Variants in LPAR3 observed in about 807,000 individuals in gnomAD.
The protein encoded by LPAR3 is lysophosphatidic acid receptor 3.
LPAR3 carries 7 observed loss-of-function variants against 17.8 expected under a neutral mutation model. The ratio of observed to expected loss-of-function variants is 0.39; its 90% confidence interval spans 0.22 to 0.74. The LOEUF (loss-of-function observed/expected upper bound fraction) is 0.74, where lower values mean the gene tolerates loss of function less well. LPAR3 is among the 30% of genes least tolerant of loss of function. The probability of loss-of-function intolerance (pLI) is 0.40; values close to 1 mark genes in which losing one functional copy is unlikely to be tolerated. For missense variants in LPAR3, 391 were observed against 453.4 expected, an observed-to-expected ratio of 0.86 and a Z score of 1.25; for synonymous variants, 179 against 179.9, an observed-to-expected ratio of 0.99 and a Z score of 0.04.
chr1:84,868,142 C>T (rs1450035734), intron 1 of LPAR3, among the ~76,000 whole-genome samples: 1 of 152,026 alleles, frequency 6.6e-6, no homozygotes, highest in Non-Finnish European at 1.5e-5. Context: ...TGGAGTCTTG[C>T]TCTGTCGCCC....
At position 84,814,140 on chromosome 1, in the gene LPAR3, C is replaced by A; in HGVS notation, c.768G>T (p.Leu256=). ...GAFVVCWTPG[L]VVLLLDGLNC... is the part of the protein sequence containing the mutation. Reference sequence around the variant, plus strand: ...TCAGGCCGTCGAGGAGCAGAACCACCAGGCCCGGGGTCCAGCATACCACAA... The same window carrying A: ...TCAGGCCGTCGAGGAGCAGAACCACAAGGCCCGGGGTCCAGCATACCACAA... Residue 256 remains leucine, a synonymous_variant, in exon 3 of 3, where the codon CTG becomes CTT. Transcript: ENST00000370611. The A allele has an allele frequency of 6.2e-7, 1 of 1,614,098 alleles. No homozygotes were observed. The highest frequency in any genetic ancestry group is 8.5e-7 in the Non-Finnish European group (1 of 1,180,020).
intron 2 of LPAR3, among the ~76,000 whole-genome samples, chr1:84,860,734 A>ATTTTTT (rs35354113): frequency 4.4e-5 from 5 of 113,552 alleles, no homozygotes; most frequent in Non-Finnish European, 7.1e-5. Context: ...TTAGGATTTA[A>ATTTTTT]TTTTTTTTTT....
intron 2 of LPAR3, among the ~76,000 whole-genome samples, chr1:84,859,272 C>T (rs1331516255): frequency 6.6e-6 from 1 of 152,122 alleles, no homozygotes; most frequent in African/African-American, 2.4e-5. Flanking sequence ...CTTGAGCTAT[C>T]GTTTCGTTGC....
chr1:84,853,631 C>T (rs1659763317), intron 2 of LPAR3, among the ~76,000 whole-genome samples: 1 of 152,206 alleles, frequency 6.6e-6, no homozygotes, highest in Non-Finnish European at 1.5e-5. Context: ...CTGCTGCTGA[C>T]AAATGTGCCT....
rs146589603 is a variant in LPAR3 at position 84,830,253 on chromosome 1, G to A, written c.737-16082C>T. Among the ~76,000 whole-genome samples the A allele has an allele frequency of 7.4e-3, 1,129 of 152,226 alleles. 16 individuals are homozygous for A. Among genetic ancestry groups the A allele is most frequent in the African/African-American group, 0.026 (1,082 of 41,530 alleles). On this transcript the variant is annotated intron_variant, in intron 2 of 2. Transcript: ENST00000370611. Reference sequence around the variant, plus strand: ...AAGTATTGAGTATCTGAACTCCTTGGTAATTATACTTCCTCTGTCCAAATA... The same window carrying A: ...AAGTATTGAGTATCTGAACTCCTTGATAATTATACTTCCTCTGTCCAAATA...
chr1:84,842,412 AC>A (rs2102755096), intron 2 of LPAR3, among the ~76,000 whole-genome samples: 1 of 152,342 alleles, frequency 6.6e-6, no homozygotes, highest in African/African-American at 2.4e-5. Context: ...TTTGAAACAA[AC>A]CTATAACGTA....
intron 1 of LPAR3, among the ~76,000 whole-genome samples, chr1:84,870,426 T>TCCC (rs1414827776): frequency 1.3e-5 from 2 of 152,246 alleles, no homozygotes; most frequent in Non-Finnish European, 2.9e-5. Context: ...TGAATGAATC[T>TCCC]CTGTCTTACA....
chr1:84,856,096 C>T (rs56332322), intron 2 of LPAR3, among the ~76,000 whole-genome samples: 1 of 152,138 alleles, frequency 6.6e-6, no homozygotes, highest in African/African-American at 2.4e-5. Context: ...CATTTTTGCA[C>T]CCACCGATTG....
intron 2 of LPAR3, among the ~76,000 whole-genome samples, chr1:84,854,415 A>G (rs956121925): frequency 6.6e-6 from 1 of 152,192 alleles, no homozygotes; most frequent in Non-Finnish European, 1.5e-5. Context: ...TTGTGCCTTC[A>G]GTTATCTTTT....
chr1:84,884,740 G>T lies in LPAR3; in HGVS notation c.-19+8276C>A, dbSNP rs150342294. Among the ~76,000 whole-genome samples, 777 of 152,218 alleles carry T rather than the reference G, an allele frequency of 5.1e-3. 1 individual carries two copies. Among genetic ancestry groups the T allele is most frequent in the South Asian group, 0.02 (97 of 4,814 alleles). On this transcript the variant is annotated intron_variant, in intron 1 of 2. Coordinates refer to ENST00000370611, the MANE Select transcript of LPAR3 (RefSeq NM_012152.3). ...TCATTGTCTGTCTGTACGAAACTGG[G>T]GCAAAAATGAACTCAGAAAGACAAG...
intron 2 of LPAR3, among the ~76,000 whole-genome samples, chr1:84,845,620 A>G (rs1484183832): frequency 3.9e-5 from 6 of 152,232 alleles, no homozygotes; most frequent in African/African-American, 1.4e-4. Context: ...GTGTTGGTCC[A>G]TCATTACCAA....
At chr1:84,858,477 C>T (rs995687709) in intron 2 of LPAR3, among the ~76,000 whole-genome samples, 31 of 85,090 alleles carry the variant, frequency 3.6e-4, no homozygotes, top group Non-Finnish European at 5.4e-4. Context: ...CAGGGCGAGA[C>T]TGTCTCAAAA....
chr1:84,858,391 C>T (rs1570888389), intron 2 of LPAR3, among the ~76,000 whole-genome samples: 1 of 144,298 alleles, frequency 6.9e-6, no homozygotes, highest in South Asian at 2.2e-4. Context: ...GGCTGAGGCA[C>T]AAGAATCACT....
chr1:84,837,026 T>TG (rs11458079), intron 2 of LPAR3, among the ~76,000 whole-genome samples: 2 of 7,082 alleles, frequency 2.8e-4, no homozygotes, highest in African/African-American at 2.3e-3. Context: ...ACTTTATCAA[T>TG]TTTTTTTTTT....
intron 2 of LPAR3, among the ~76,000 whole-genome samples, chr1:84,829,519 A>G (rs12407505): frequency 0.039 from 5,878 of 152,120 alleles, 303 homozygotes; most frequent in East Asian, 0.18. Flanking sequence ...TCTGCTAGGA[A>G]GGAAAAGATC....
intron 1 of LPAR3, among the ~76,000 whole-genome samples, chr1:84,886,795 G>A (rs1159943810): frequency 6.6e-6 from 1 of 152,164 alleles, no homozygotes; most frequent in Non-Finnish European, 1.5e-5. Flanking sequence ...AGTAGAAGAT[G>A]AGTCCAGATG....
intron 2 of LPAR3, among the ~76,000 whole-genome samples, chr1:84,827,157 C>G (rs780318138): frequency 6.6e-6 from 1 of 152,186 alleles, no homozygotes; most frequent in Non-Finnish European, 1.5e-5. Context: ...CAATTGTGTA[C>G]AATGTGTGCC....
At chr1:84,870,378 T>TA (rs1455506128) in intron 1 of LPAR3, among the ~76,000 whole-genome samples, 1 of 152,226 alleles carries the variant, frequency 6.6e-6, no homozygotes, top group Non-Finnish European at 1.5e-5. Context: ...ACCTGCCTAT[T>TA]ATGCTCATAT....
At chr1:84,871,653 A>T (rs1660160118) in intron 1 of LPAR3, among the ~76,000 whole-genome samples, 1 of 152,240 alleles carries the variant, frequency 6.6e-6, no homozygotes, top group East Asian at 1.9e-4. Context: ...ATCCTGGGTC[A>T]GCAATCACGT....
Sources: gnomAD v4.1 joint callset for allele counts (sites outside exome capture counted in the v4.1 genomes callset) on GRCh38, gnomAD v4.1.1 for gene constraint, MANE v1.5 for transcripts, NCBI Gene and HGNC (gene_info 2026-07-23, HGNC 2026-07-21) for gene names.